The following NLGN4X variants were observed in gnomAD, a reference collection of about 807,000 sequenced individuals.
NLGN4X encodes neuroligin-4, X-linked.
In NLGN4X, 3 loss-of-function variants were observed where a neutral mutation model predicts 40.3. The ratio of observed to expected loss-of-function variants is 0.07; its 90% confidence interval spans 0.03 to 0.19. NLGN4X has a LOEUF of 0.19. Ranked by LOEUF, NLGN4X falls within the 10% of genes least tolerant of loss-of-function variation. The probability of loss-of-function intolerance (pLI) is 1.00; values close to 1 mark genes in which losing one functional copy is unlikely to be tolerated. For synonymous variants in NLGN4X, 270 were observed against 306.8 expected (o/e 0.88, Z 1.25); for missense variants, 382 against 708.3 (o/e 0.54, Z 5.23).
At chrX:6,109,792 T>C (rs1211938576) in intron 2 of NLGN4X, among the ~76,000 whole-genome samples, 3 of 112,037 alleles carry the variant, frequency 2.7e-5, no homozygotes, top group Non-Finnish European at 5.6e-5. Flanking sequence ...GCAAACCCCA[T>C]AGCTAACTCT....
At chrX:6,203,843 A>C (rs758145319) in intron 1 of NLGN4X, among the ~76,000 whole-genome samples, 1 of 112,743 alleles carries the variant, frequency 8.9e-6, no homozygotes, top group Non-Finnish European at 1.9e-5. Flanking sequence ...TTTTAACCTA[A>C]GGTTTAGAAG....
At chrX:6,064,460 T>G (rs905467100) in intron 2 of NLGN4X, among the ~76,000 whole-genome samples, 2 of 111,725 alleles carry the variant, frequency 1.8e-5, no homozygotes, top group African/African-American at 6.5e-5. Context: ...ATTTCCATTG[T>G]GAAAAACACA....
intron 2 of NLGN4X, among the ~76,000 whole-genome samples, chrX:6,035,571 C>A (rs1435874140): frequency 1.1e-4 from 12 of 111,787 alleles, no homozygotes; most frequent in Non-Finnish European, 2.3e-4. Flanking sequence ...CTATCCTTGC[C>A]TCCTTTAATT....
At chrX:5,947,332 C>G (rs2034159586) in intron 3 of NLGN4X, among the ~76,000 whole-genome samples, 1 of 111,839 alleles carries the variant, frequency 8.9e-6, no homozygotes, top group African/African-American at 3.3e-5. Context: ...TTCTCCACAA[C>G]CTTGCCAGCA....
At chrX:5,978,961 ACT>A (rs1289451519) in intron 3 of NLGN4X, among the ~76,000 whole-genome samples, 2 of 110,385 alleles carry the variant, frequency 1.8e-5, no homozygotes, top group Middle Eastern at 9.6e-3. Context: ...ATAGAGTGAG[ACT>A]CTGTTTAAAA....
chrX:6,080,916 C>T (rs900740190), intron 2 of NLGN4X, among the ~76,000 whole-genome samples: 6 of 110,466 alleles, frequency 5.4e-5, no homozygotes, highest in African/African-American at 2.0e-4. Flanking sequence ...TCATTGTATC[C>T]TCAAACTCCT....
chrX:6,056,262 G>T (rs761141222), intron 2 of NLGN4X, among the ~76,000 whole-genome samples: 8 of 111,528 alleles, frequency 7.2e-5, no homozygotes, highest in African/African-American at 2.6e-4. Flanking sequence ...GATCACTTGA[G>T]GTCAGGAGTT....
intron 1 of NLGN4X, among the ~76,000 whole-genome samples, chrX:6,160,845 C>T (rs1313582272): frequency 1.9e-4 from 20 of 102,661 alleles, no homozygotes; most frequent in African/African-American, 6.4e-4. Context: ...ATATATTATA[C>T]GTATAGATAT....
intron 3 of NLGN4X, among the ~76,000 whole-genome samples, chrX:5,933,121 A>T (rs2033611256): frequency 1.8e-5 from 2 of 111,382 alleles, no homozygotes; most frequent in African/African-American, 6.5e-5. Flanking sequence ...ACTATAGGCC[A>T]AGTTAAAAAA....
At chrX:5,978,142 A>G (rs2035233638) in intron 3 of NLGN4X, among the ~76,000 whole-genome samples, 1 of 112,298 alleles carries the variant, frequency 8.9e-6, no homozygotes, top group African/African-American at 3.2e-5. Flanking sequence ...TCATGTTCAG[A>G]GACATAGGAT....
intron 2 of NLGN4X, among the ~76,000 whole-genome samples, chrX:6,054,556 G>A (rs1220682782): frequency 1.8e-5 from 2 of 111,130 alleles, no homozygotes; most frequent in East Asian, 5.6e-4. Flanking sequence ...GGATTTCAAG[G>A]TTGCAGTGAG....
intron 5 of NLGN4X, among the ~76,000 whole-genome samples, chrX:5,898,234 CTCTT>C (rs1401381889): frequency 4.5e-4 from 39 of 85,927 alleles, no homozygotes; most frequent in African/African-American, 1.5e-3. Flanking sequence ...CCCCCCTTAC[CTCTT>C]TCTTTCCTCC....
intron 2 of NLGN4X, among the ~76,000 whole-genome samples, chrX:6,080,395 G>C (rs1021636574): frequency 9.0e-6 from 1 of 111,249 alleles, no homozygotes; most frequent in African/African-American, 3.3e-5. Flanking sequence ...TCTTTGAGGA[G>C]ACACTCCTCT....
intron 2 of NLGN4X, among the ~76,000 whole-genome samples, chrX:6,067,963 C>G (rs1385507927): frequency 9.0e-6 from 1 of 111,285 alleles, no homozygotes; most frequent in Non-Finnish European, 1.9e-5. Flanking sequence ...GGCTCACCCT[C>G]AAGGCATTAT....
At chrX:6,106,197 A>G (rs759237742) in intron 2 of NLGN4X, among the ~76,000 whole-genome samples, 1 of 111,639 alleles carries the variant, frequency 9.0e-6, no homozygotes, top group Non-Finnish European at 1.9e-5. Context: ...TTGCCCCCAA[A>G]TGAGTTTTGA....
chrX:6,064,158 T>A (rs767249930), intron 2 of NLGN4X, among the ~76,000 whole-genome samples: 6 of 111,370 alleles, frequency 5.4e-5, no homozygotes, highest in Non-Finnish European at 7.5e-5. Context: ...TGTGCCTATA[T>A]CCCCTTAACT....
intron 3 of NLGN4X, among the ~76,000 whole-genome samples, chrX:5,921,391 C>CAGAG (rs56879029): frequency 0.18 from 9,421 of 52,924 alleles, 935 homozygotes; most frequent in East Asian, 0.35. Context: ...GAAAATGAAC[C>CAGAG]AGAGAGAGAG....
At chrX:6,010,857 A>T (rs774408177) in intron 3 of NLGN4X, among the ~76,000 whole-genome samples, 2 of 111,278 alleles carry the variant, frequency 1.8e-5, no homozygotes, top group African/African-American at 6.5e-5. Context: ...CAATTTAGGG[A>T]TTACTCATTT....
At chrX:6,049,335 G>A (rs984548263) in intron 2 of NLGN4X, among the ~76,000 whole-genome samples, 24 of 97,346 alleles carry the variant, frequency 2.5e-4, no homozygotes, top group Non-Finnish European at 3.1e-4. Context: ...GAAAGCAAGA[G>A]ATGAAACTCC....
Sources: gnomAD v4.1 joint callset for allele counts (sites outside exome capture counted in the v4.1 genomes callset) on GRCh38, gnomAD v4.1.1 for gene constraint, MANE v1.5 for transcripts, NCBI Gene and HGNC (gene_info 2026-07-23, HGNC 2026-07-21) for gene names.